The following MMACHC variants were observed in gnomAD, a reference collection of about 807,000 sequenced individuals.
The protein encoded by MMACHC is cyanocobalamin reductase / alkylcobalamin dealkylase.
In MMACHC, 14 loss-of-function variants were observed where a neutral mutation model predicts 17.6. The observed-to-expected ratio is 0.80, with a 90% CI of 0.53 to 1.25. MMACHC has a LOEUF of 1.25. MMACHC is among the 50% of genes most tolerant of loss of function. MMACHC has a pLI of 0.00. For synonymous variants in MMACHC, 151 were observed against 142.1 expected, an observed-to-expected ratio of 1.06 and a Z score of -0.45; for missense variants, 392 against 364.5, an observed-to-expected ratio of 1.08 and a Z score of -0.62.
intron 1 of MMACHC, among the ~76,000 whole-genome samples, chr1:45,502,438 T>C (rs1052324818): frequency 2.0e-5 from 3 of 152,100 alleles, no homozygotes; most frequent in Non-Finnish European, 4.4e-5. Context: ...GGGTCTCACT[T>C]TGTTGCCCTG....
chr1:45,500,626 A>G lies in MMACHC; in HGVS notation c.81+213A>G, dbSNP rs12042903. Among the ~76,000 whole-genome samples, 34,996 of 152,034 alleles carry G rather than the reference A, an allele frequency of 0.23. 4,119 individuals carry two copies. Among genetic ancestry groups the G allele is most frequent in the East Asian group, 0.33 (1,716 of 5,160 alleles). ...ACGCCTGTAATCCCAGCACTTTGGG[A>G]GGCCGAGGCGGGCGGATCACCTGAG... On this transcript the variant is annotated intron_variant, in intron 1 of 3. Coordinates refer to ENST00000401061, the MANE Select transcript of MMACHC (RefSeq NM_015506.3).
In MMACHC at chr1:45,503,375, G is replaced by T. The variant is rs558004027; in HGVS notation, c.81+2962G>T. On this transcript the variant is annotated intron_variant, in intron 1 of 3. Coordinates refer to ENST00000401061, the MANE Select transcript of MMACHC (RefSeq NM_015506.3). ...ATCGCGCCATTGCAGTCTAGCCTGG[G>T]CAAGAAGAAGAGCGAAACTCCATCT... 1.8e-4 allele frequency among the ~76,000 whole-genome samples: 28 copies of T among 151,920 alleles called. No individual in the cohort carries two copies. In the East Asian group the frequency reaches 4.7e-3, roughly 25 times the overall value.
intron 1 of MMACHC, among the ~76,000 whole-genome samples, chr1:45,503,868 G>GCAGAAACCTC (rs1217810640): frequency 1.3e-5 from 2 of 152,210 alleles, no homozygotes; most frequent in Non-Finnish European, 2.9e-5. Context: ...TGTGTGAACA[G>GCAGAAACCTC]CAGAAACCTC....
chr1:45,506,970 C>T (rs1643629520), intron 1 of MMACHC, among the ~76,000 whole-genome samples: 1 of 151,822 alleles, frequency 6.6e-6, no homozygotes, highest in Admixed American at 6.6e-5. Context: ...GTTCGGAGAC[C>T]AGCCTGGCCA....
In MMACHC at chr1:45,507,359, G is replaced by GC; in HGVS notation, c.86dup (p.Trp30MetfsTer4). The GC allele has an allele frequency of 6.2e-7, 1 of 1,614,066 alleles. No homozygotes were observed. Among genetic ancestry groups the GC allele is most frequent in the Non-Finnish European group, 8.5e-7 (1 of 1,179,992 alleles). On this transcript the variant is annotated frameshift_variant, in exon 2 of 4. Transcript: ENST00000401061. LOFTEE classifies it high-confidence loss of function. The stretch of plus-strand genomic sequence containing the variant: ...TGGCCTGAACTTTCTGTTTCAGGTG[G>GC]CATGGTACAATGAACTCTTGCCTCC...
chr1:45,508,391 T>G (rs1251872401), intron 3 of MMACHC, 27 bp downstream of exon 3: 1 of 1,613,344 alleles, frequency 6.2e-7, no homozygotes, highest in Non-Finnish European at 8.5e-7. Flanking sequence ...AAATAGAGGC[T>G]GAGATAGACT....
chr1:45,506,653 A>C (rs60347808), intron 1 of MMACHC, among the ~76,000 whole-genome samples: 2 of 151,826 alleles, frequency 1.3e-5, no homozygotes, highest in East Asian at 3.9e-4. Context: ...TGCTTGTCTA[A>C]TTTTTGTATT....
intron 1 of MMACHC, among the ~76,000 whole-genome samples, chr1:45,500,865 C>CA (rs11374269): frequency 0.57 from 49,090 of 86,066 alleles, 12,804 homozygotes; most frequent in East Asian, 0.63. Context: ...AACTCCGTGT[C>CA]AAAAAAAAAA....
In MMACHC at chr1:45,510,060, G is replaced by A. The variant is rs34005380; in HGVS notation, c.*845G>A. On this transcript the variant is annotated 3_prime_UTR_variant, in exon 4 of 4. Transcript: ENST00000401061. ...TGGCTGCACTCTAGCCTGGGTGACAGTGTGAGACTCTGTCTCAAAAAAAAA... is the reference window on the plus strand; with the variant it reads ...TGGCTGCACTCTAGCCTGGGTGACAATGTGAGACTCTGTCTCAAAAAAAAA... 121 of 71,674 alleles carry A rather than the reference G, an allele frequency of 1.7e-3. No homozygotes were observed. Among genetic ancestry groups the A allele is most frequent in the African/African-American group, 6.1e-3 (118 of 19,222 alleles). 4.4% of individuals were successfully genotyped at this position (71,674 alleles called of 1,614,324 possible).
intron 1 of MMACHC, 77 bp downstream of exon 1, chr1:45,500,490 C>A: frequency 1.5e-6 from 2 of 1,378,202 alleles, no homozygotes; most frequent in Non-Finnish European, 2.1e-6. Flanking sequence ...GCCTCGGGAG[C>A]CTCTGATCCT....
chr1:45,509,207 G>A lies in MMACHC; in HGVS notation c.841G>A (p.Gly281Ser). 1.2e-6 allele frequency: 2 copies of A among 1,613,948 alleles called. No homozygotes were observed. The highest frequency in any genetic ancestry group is 1.1e-5 in the South Asian group (1 of 91,080). ...CAGGGTCTCACCACCTGCATCCCCT[G>A]GCCCTTGATTTTCTCCCATGTGGAC... The part of the protein sequence containing the change: ...SPRVSPPASP[G>S]P The change falls in exon 4 of 4, where the codon GGC becomes AGC. Residue 281 changes from glycine (G) to serine (S), a missense_variant. Gly to Ser is a moderately conservative substitution (Grantham distance 56, BLOSUM62 0). Transcript: ENST00000401061.
At chr1:45,504,461 C>A (rs1192922449) in intron 1 of MMACHC, among the ~76,000 whole-genome samples, 1 of 152,116 alleles carries the variant, frequency 6.6e-6, no homozygotes, top group Non-Finnish European at 1.5e-5. Context: ...GGTTTGTAGA[C>A]TAATATGGTG....
chr1:45,508,654 AG>A, intron 3 of MMACHC, 141 bp from the exon 4 acceptor site: 3 of 1,055,618 alleles, frequency 2.8e-6, no homozygotes, highest in Non-Finnish European at 4.1e-6. Flanking sequence ...AGTTTATGAA[AG>A]GGTTTGCCAA....
At position 45,508,852 on chromosome 1, in the gene MMACHC, G is replaced by A; in HGVS notation, c.486G>A (p.Gly162=). 1 of 1,614,140 alleles carries A rather than the reference G, an allele frequency of 6.2e-7. No homozygotes were observed. Among genetic ancestry groups the A allele is most frequent in the Non-Finnish European group, 8.5e-7 (1 of 1,180,016 alleles). The change falls in exon 4 of 4, where the codon GGG becomes GGA. Residue 162 remains glycine, a synonymous_variant. Coordinates refer to ENST00000401061, the MANE Select transcript of MMACHC (RefSeq NM_015506.3). ...PRFGGWFAIR[G]VVLLPGIEVP... ...TTGGGGGCTGGTTTGCCATCCGAGG[G>A]GTAGTGCTGCTGCCAGGGATAGAGG...
chr1:45,504,371 G>A (rs900048017), intron 1 of MMACHC, among the ~76,000 whole-genome samples: 5 of 151,652 alleles, frequency 3.3e-5, no homozygotes, highest in Non-Finnish European at 4.4e-5. Flanking sequence ...AGCCAAGATC[G>A]CGCCACAAAC....
Position 45,510,855 on chromosome 1 carries a change from T to G in MMACHC, c.*1640T>G, listed in dbSNP as rs1444388672. 1.3e-5 allele frequency: 2 copies of G among 152,578 alleles called. No individual in the cohort carries two copies. Among genetic ancestry groups the G allele is most frequent in the Admixed American group, 1.3e-4 (2 of 15,288 alleles). 9.5% of individuals were successfully genotyped at this position (152,578 alleles called of 1,614,324 possible). On this transcript the variant is annotated 3_prime_UTR_variant, in exon 4 of 4. Transcript: ENST00000401061. ...AACACTATAGCAGGGCTTATTCTTC[T>G]CCCTCATGTGTAGTGAAACAAAATG... is the stretch of plus-strand genomic sequence containing the variant.
intron 3 of MMACHC, 104 bp from the exon 4 acceptor site, chr1:45,508,692 G>T (rs1221164214): frequency 7.7e-7 from 1 of 1,300,654 alleles, no homozygotes; most frequent in African/African-American, 1.5e-5. Flanking sequence ...TATGTAGTCA[G>T]TGTACACTGA....
In MMACHC at chr1:45,512,199, C is replaced by T. The variant is rs1643765220; in HGVS notation, c.*2984C>T. 6.8e-6 allele frequency: 1 copy of T among 146,514 alleles called. No homozygotes were observed. The highest frequency in any genetic ancestry group is 2.5e-5 in the African/African-American group (1 of 40,018). The allele number at this position is 146,514 out of a possible 1,614,324, so 9.1% of individuals were successfully genotyped here. A position where few individuals can be genotyped will look rare whatever the true frequency, so the allele number is the denominator to read the frequency against. On this transcript the variant is annotated 3_prime_UTR_variant, in exon 4 of 4. Transcript: ENST00000401061. ...CTCCCGGGTTCAAGCGATTCTCCTG[C>T]ATCAGCCTCCCAAATAGCTAGGATT...
chr1:45,508,466 C>A, intron 3 of MMACHC, 102 bp downstream of exon 3: 1 of 1,374,374 alleles, frequency 7.3e-7, no homozygotes, highest in Non-Finnish European at 1.0e-6. Flanking sequence ...GTGACACAAC[C>A]CAGAACAAAT....
Sources: allele counts gnomAD v4.1 joint callset (sites outside exome capture counted in the v4.1 genomes callset), GRCh38; gene constraint gnomAD v4.1.1; transcripts MANE v1.5; gene names NCBI Gene and HGNC (gene_info 2026-07-23, HGNC 2026-07-21).